SNX29: variants seen among roughly 807,000 people sequenced by gnomAD.
The protein encoded by SNX29 is sorting nexin-29.
SNX29 carries 78 observed loss-of-function variants against 102.1 expected under a neutral mutation model. That is an observed-to-expected ratio of 0.76 (90% CI 0.64 to 0.92). The LOEUF (loss-of-function observed/expected upper bound fraction) is 0.92, where lower values mean the gene tolerates loss of function less well. Ranked by LOEUF, SNX29 falls within the 40% of genes least tolerant of loss-of-function variation. SNX29 has a pLI of 0.00. For missense variants in SNX29, 1,280 were observed against 1,061.7 expected (o/e 1.21, Z -2.86); for synonymous variants, 580 against 414.5 (o/e 1.40, Z -4.85).
intron 16 of SNX29, chr16:12,367,368 A>G (rs1402326105): frequency 6.6e-6 from 1 of 152,278 alleles, no homozygotes; most frequent in Non-Finnish European, 1.5e-5. Context: ...TCGATTATCC[A>G]GAAAGCTGCC....
At chr16:12,567,176 T>G (rs1041366923) in intron 20 of SNX29, among the ~76,000 whole-genome samples, 2 of 152,198 alleles carry the variant, frequency 1.3e-5, no homozygotes, top group African/African-American at 4.8e-5. Flanking sequence ...ATGTTCCTGA[T>G]CTGACATTCT....
intron 14 of SNX29, among the ~76,000 whole-genome samples, chr16:12,246,659 G>A (rs971861083): frequency 6.6e-6 from 1 of 152,118 alleles, no homozygotes; most frequent in Non-Finnish European, 1.5e-5. Context: ...AAAAAACCCA[G>A]TGTTAACCCT....
chr16:12,478,132 G>T (rs541245141), intron 19 of SNX29, among the ~76,000 whole-genome samples: 1 of 152,286 alleles, frequency 6.6e-6, no homozygotes, highest in East Asian at 1.9e-4. Flanking sequence ...AATATGTTTG[G>T]CTTTGGGGAC....
chr16:11,976,920 C>T, intron 1 of SNX29, 107 bp downstream of exon 1: 1 of 1,263,136 alleles, frequency 7.9e-7, no homozygotes, highest in Non-Finnish European at 1.0e-6. Context: ...CCTCGCAGAC[C>T]CCCTCCCAGT....
intron 14 of SNX29, among the ~76,000 whole-genome samples, chr16:12,259,329 C>A (rs142189034): frequency 6.6e-6 from 1 of 152,166 alleles, no homozygotes; most frequent in East Asian, 1.9e-4. Context: ...CGTTCTACCC[C>A]GTCTTTGAGA....
At chr16:12,071,329 C>G (rs1450930219) in intron 10 of SNX29, among the ~76,000 whole-genome samples, 1 of 152,092 alleles carries the variant, frequency 6.6e-6, no homozygotes, top group East Asian at 1.9e-4. Context: ...TTTAATCCAT[C>G]TTGAATTAAT....
intron 3 of SNX29, among the ~76,000 whole-genome samples, chr16:12,020,987 A>G (rs2057001942): frequency 6.6e-6 from 1 of 152,190 alleles, no homozygotes; most frequent in Non-Finnish European, 1.5e-5. Context: ...AATCTGAGAT[A>G]TGGCTCATAC....
intron 20 of SNX29, among the ~76,000 whole-genome samples, chr16:12,559,751 C>A (rs184680311): frequency 6.6e-6 from 1 of 152,118 alleles, no homozygotes; most frequent in Non-Finnish European, 1.5e-5. Context: ...GATGCCCAGC[C>A]TGACAGCAGT....
chr16:12,364,627 G>A (rs370953426), intron 16 of SNX29, among the ~76,000 whole-genome samples: 6 of 152,102 alleles, frequency 3.9e-5, no homozygotes, highest in East Asian at 3.9e-4. Context: ...AAGACACAGC[G>A]CGGTGAAAGC....
chr16:11,979,386 A>G (rs1364965280), intron 1 of SNX29, among the ~76,000 whole-genome samples: 1 of 152,094 alleles, frequency 6.6e-6, no homozygotes, highest in African/African-American at 2.4e-5. Context: ...TCTTTTGGAA[A>G]CATTGTAATT....
At chr16:12,013,305 A>G (rs2151064005) in intron 3 of SNX29, among the ~76,000 whole-genome samples, 2 of 150,956 alleles carry the variant, frequency 1.3e-5, no homozygotes, top group Middle Eastern at 6.8e-3. Flanking sequence ...TGAGCTGCCT[A>G]CTTTTCACCC....
At position 12,170,869 on chromosome 16, in the gene SNX29, C is replaced by T. The variant is rs139665998; in HGVS notation, c.1596-28732C>T. Among the ~76,000 whole-genome samples the T allele has an allele frequency of 2.6e-3, 397 of 151,464 alleles. 3 individuals carry two copies. The highest frequency in any genetic ancestry group is 3.4e-3 in the Non-Finnish European group (231 of 67,854). On this transcript the variant is annotated intron_variant, in intron 13 of 20. Transcript: ENST00000566228. Reference sequence around the variant, plus strand: ...TATGAGGAGTGTCTGTGCGCGCGCGCGTGCTGTTTACAGGGCCTCCGAGAC... The same window carrying T: ...TATGAGGAGTGTCTGTGCGCGCGCGTGTGCTGTTTACAGGGCCTCCGAGAC...
intron 14 of SNX29, among the ~76,000 whole-genome samples, chr16:12,270,497 A>ACT (rs1443956812): frequency 3.3e-5 from 5 of 152,144 alleles, no homozygotes; most frequent in African/African-American, 1.2e-4. Context: ...GCTTGCATGA[A>ACT]CTTAGCCTCA....
chr16:11,977,831 C>G (rs1255448526), intron 1 of SNX29: 1 of 152,238 alleles, frequency 6.6e-6, no homozygotes, highest in African/African-American at 2.4e-5. Flanking sequence ...TCAGGGAAGC[C>G]TCTCAGCTCT....
At position 12,237,183 on chromosome 16, in the gene SNX29, G is replaced by C. The variant is rs575235438; in HGVS notation, c.1678+37500G>C. Among the ~76,000 whole-genome samples the C allele has an allele frequency of 1.3e-3, 202 of 152,308 alleles. No homozygotes were observed. In the Middle Eastern group the frequency reaches 0.024, roughly 18 times the overall value. ...GGGACGTAGGACAGGAGGGTGCGAA[G>C]CTCTGTCCACCCCCGACTCCTCACC... On this transcript the variant is annotated intron_variant, in intron 14 of 20. Transcript: ENST00000566228.
At chr16:12,122,868 C>T (rs1185875283) in intron 11 of SNX29, among the ~76,000 whole-genome samples, 1 of 152,064 alleles carries the variant, frequency 6.6e-6, no homozygotes, top group Admixed American at 6.6e-5. Flanking sequence ...ACTCTGTCAC[C>T]CAGACTGGAG....
chr16:12,139,672 C>G (rs1000060765), intron 13 of SNX29, among the ~76,000 whole-genome samples: 3 of 152,020 alleles, frequency 2.0e-5, no homozygotes, highest in African/African-American at 7.2e-5. Context: ...TCTGGAAGCC[C>G]CTCAGCCATT....
intron 14 of SNX29, among the ~76,000 whole-genome samples, chr16:12,255,858 C>T (rs542302697): frequency 3.7e-4 from 56 of 152,230 alleles, no homozygotes; most frequent in African/African-American, 1.2e-3. Flanking sequence ...AATAACTCTT[C>T]GACATACTGG....
chr16:12,142,427 G>C (rs1235663208), intron 13 of SNX29, among the ~76,000 whole-genome samples: 1 of 152,174 alleles, frequency 6.6e-6, no homozygotes, highest in Admixed American at 6.5e-5. Context: ...TGGGGTGGGT[G>C]GGGCTGGTGT....
Sources: gnomAD v4.1 joint callset for allele counts (sites outside exome capture counted in the v4.1 genomes callset) on GRCh38, gnomAD v4.1.1 for gene constraint, MANE v1.5 for transcripts, NCBI Gene and HGNC (gene_info 2026-07-23, HGNC 2026-07-21) for gene names.